THADA: variants seen among roughly 807,000 people sequenced by gnomAD.
The protein encoded by THADA is THADA armadillo repeat containing.
Under a neutral mutation model 219.8 loss-of-function variants are expected in THADA, and 213 were observed. That is an observed-to-expected ratio of 0.97 (90% CI 0.87 to 1.09). The LOEUF (loss-of-function observed/expected upper bound fraction) is 1.09, where lower values mean the gene tolerates loss of function less well. THADA is among the 50% of genes least tolerant of loss of function. The probability of loss-of-function intolerance (pLI) is 0.00; values close to 1 mark genes in which losing one functional copy is unlikely to be tolerated. For missense variants in THADA, 2,956 were observed against 2,311.3 expected (o/e 1.28, Z -5.72); for synonymous variants, 1,018 against 828.9 (o/e 1.23, Z -3.92).
At chr2:43,582,481 A>T (rs1700562576) in intron 7 of THADA, among the ~76,000 whole-genome samples, 1 of 146,272 alleles carries the variant, frequency 6.8e-6, no homozygotes, top group South Asian at 2.2e-4. Flanking sequence ...TGGGTGAGAG[A>T]GCAAGACACC....
chr2:43,594,272 A>G (rs1159290186), intron 1 of THADA, among the ~76,000 whole-genome samples: 1 of 152,146 alleles, frequency 6.6e-6, no homozygotes, highest in African/African-American at 2.4e-5. Flanking sequence ...GTTTCTAAAT[A>G]CACTTAGAAT....
intron 29 of THADA, among the ~76,000 whole-genome samples, chr2:43,364,172 C>T (rs1026457867): frequency 6.6e-6 from 1 of 151,906 alleles, no homozygotes; most frequent in African/African-American, 2.4e-5. Context: ...TGCAGTGAGC[C>T]GAGATCTGCT....
chr2:43,278,505 G>A (rs144400292), intron 36 of THADA, among the ~76,000 whole-genome samples: 4 of 152,274 alleles, frequency 2.6e-5, no homozygotes, highest in African/African-American at 9.6e-5. Context: ...TGAATAAATT[G>A]CCAATGGCAG....
chr2:43,570,491 T>C lies in THADA; in HGVS notation c.2084A>G (p.Glu695Gly). 2 of 1,609,518 alleles carry C rather than the reference T, an allele frequency of 1.2e-6. No individual in the cohort carries two copies. Among genetic ancestry groups the C allele is most frequent in the Non-Finnish European group, 8.5e-7 (1 of 1,178,682 alleles). The change falls in exon 14 of 38, where the codon GAA becomes GGA. Residue 695 changes from glutamate to glycine, a missense_variant. Glu to Gly is a moderately conservative substitution (Grantham distance 98, BLOSUM62 -2). Transcript: ENST00000405975. ...CAATTTATAAAGTACCTGAGAACTT[T>C]CCTGTATCCTACAAAACAACTTTTG... is the stretch of plus-strand genomic sequence containing the variant. ...LLKKLFCRIQ[E>G]SSQVLYKLEQ...
At chr2:43,275,494 C>T (rs1214094993) in intron 36 of THADA, among the ~76,000 whole-genome samples, 1 of 152,164 alleles carries the variant, frequency 6.6e-6, no homozygotes, top group African/African-American at 2.4e-5. Context: ...CCATCCAGCT[C>T]CCAGAGGCAC....
At chr2:43,566,275 C>T in intron 15 of THADA, 1 of 515,950 alleles carries the variant, frequency 1.9e-6, no homozygotes, top group Non-Finnish European at 3.4e-6. Flanking sequence ...GACTGAGGCA[C>T]ATGAAACAGA....
chr2:43,533,930 T>C (rs189459802), intron 21 of THADA, among the ~76,000 whole-genome samples: 1 of 152,250 alleles, frequency 6.6e-6, no homozygotes, highest in African/African-American at 2.4e-5. Flanking sequence ...AAAAAACTCT[T>C]GTTTGCAGGT....
chr2:43,581,507 A>T (rs991124762), intron 8 of THADA, among the ~76,000 whole-genome samples: 3 of 148,314 alleles, frequency 2.0e-5, no homozygotes, highest in African/African-American at 7.6e-5. Context: ...TCACGCCACT[A>T]CACTCCAGCC....
chr2:43,298,734 G>A (rs973460811), intron 31 of THADA, among the ~76,000 whole-genome samples: 6 of 152,092 alleles, frequency 3.9e-5, no homozygotes, highest in African/African-American at 9.7e-5. Context: ...TTCTGGTCTG[G>A]GGCCTTAAGA....
intron 8 of THADA, among the ~76,000 whole-genome samples, chr2:43,579,588 C>CA (rs1427003158): frequency 2.6e-5 from 4 of 152,202 alleles, no homozygotes; most frequent in Non-Finnish European, 5.9e-5. Flanking sequence ...GCCACATGCC[C>CA]AGCCAAAAGC....
intron 26 of THADA, among the ~76,000 whole-genome samples, chr2:43,456,671 C>G (rs959567693): frequency 1.3e-5 from 2 of 151,914 alleles, no homozygotes; most frequent in African/African-American, 4.8e-5. Flanking sequence ...AATGCATCAA[C>G]AAATCACAAA....
rs1216455659 is a variant in THADA, at chr2:43,439,281, G to T, written c.3837-8979C>A. Among the ~76,000 whole-genome samples, 4 of 127,866 alleles carry T rather than the reference G, an allele frequency of 3.1e-5. No individual in the cohort carries two copies. In the South Asian group the frequency reaches 1.1e-3, roughly 36 times the overall value. 83.9% of individuals were successfully genotyped at this position (127,866 alleles called of 152,430 possible). ...AGAGATCTTGAGAGAGACGGAGAGA[G>T]AGAGAGAAAGATCACACTCGTTTAA... On this transcript the variant is annotated intron_variant, in intron 26 of 37. Transcript: ENST00000405975.
At chr2:43,415,435 G>A (rs916087401) in intron 28 of THADA, among the ~76,000 whole-genome samples, 2 of 152,186 alleles carry the variant, frequency 1.3e-5, no homozygotes, top group African/African-American at 2.4e-5. Context: ...CTGTTAATGG[G>A]AGTATGTATT....
chr2:43,299,915 C>A (rs1333662509), intron 31 of THADA, among the ~76,000 whole-genome samples: 1 of 151,138 alleles, frequency 6.6e-6, no homozygotes, highest in African/African-American at 2.4e-5. Flanking sequence ...GTAATCCCAG[C>A]TACTCCGGAG....
intron 25 of THADA, among the ~76,000 whole-genome samples, chr2:43,490,125 T>A (rs940768187): frequency 1.3e-5 from 2 of 152,198 alleles, no homozygotes; most frequent in African/African-American, 4.8e-5. Flanking sequence ...CTATCATAAA[T>A]GAAACTGTTT....
chr2:43,360,987 T>A (rs1669449917), intron 29 of THADA, among the ~76,000 whole-genome samples: 1 of 152,098 alleles, frequency 6.6e-6, no homozygotes, highest in South Asian at 2.1e-4. Flanking sequence ...CATTTTTAGT[T>A]GTCACAACTG....
intron 22 of THADA, 75 bp from the exon 23 acceptor site, chr2:43,508,855 C>T (rs1189939529): frequency 1.1e-5 from 16 of 1,423,508 alleles, no homozygotes; most frequent in Non-Finnish European, 1.5e-5. Context: ...TGCACATTTA[C>T]ACTGTTAGTA....
chr2:43,591,120 C>A (rs190461900), intron 3 of THADA, among the ~76,000 whole-genome samples, 166 bp from the exon 4 acceptor site: 1 of 152,096 alleles, frequency 6.6e-6, no homozygotes, highest in East Asian at 1.9e-4. Context: ...CAGGAGAGTT[C>A]GAGACAAGCT....
At position 43,231,239 on chromosome 2, in the gene THADA, C is replaced by T; in HGVS notation, c.5571G>A (p.Lys1857=). 1 of 1,613,774 alleles carries T rather than the reference C, an allele frequency of 6.2e-7. No individual in the cohort carries two copies. Among genetic ancestry groups the T allele is most frequent in the Non-Finnish European group, 8.5e-7 (1 of 1,179,792 alleles). ...CAGGGCTTGGGGGACGCCAGCCGGA[C>T]TTTGAGAGGAGACAGAAGAGGTGCT... The part of the protein sequence containing the change: ...LCKHLFCLLS[K]SGWRPPSPEM... Residue 1857 remains lysine (K), a synonymous_variant, in exon 38 of 38, where the codon AAG becomes AAA. Transcript: ENST00000405975.
Sources: allele counts gnomAD v4.1 joint callset (sites outside exome capture counted in the v4.1 genomes callset), GRCh38; gene constraint gnomAD v4.1.1; transcripts MANE v1.5; gene names NCBI Gene and HGNC (gene_info 2026-07-23, HGNC 2026-07-21).